Variants in NAP1L1 observed in about 807,000 individuals in gnomAD.
NAP1L1 encodes the protein nucleosome assembly protein 1 like 1.
NAP1L1 carries 9 observed loss-of-function variants against 58.9 expected under a neutral mutation model. The observed-to-expected ratio is 0.15, with a 90% CI of 0.09 to 0.27. NAP1L1 has a LOEUF of 0.27. Ranked by LOEUF, NAP1L1 falls within the 10% of genes least tolerant of loss-of-function variation. NAP1L1 has a pLI of 1.00. For missense variants in NAP1L1, 302 were observed against 458.8 expected, an observed-to-expected ratio of 0.66 and a Z score of 3.12; for synonymous variants, 130 against 138.3, an observed-to-expected ratio of 0.94 and a Z score of 0.42.
chr12:76,041,136 G>C lies in NAP1L1; in HGVS notation c.*7293C>G, dbSNP rs1948547353. ...AATATGACAACTACAAAAGACCTTA[G>C]AGACTGAACTACTGAGAATCAATCA... On this transcript the variant is annotated 3_prime_UTR_variant, in exon 15 of 15. Coordinates refer to ENST00000618691, the MANE Select transcript of NAP1L1 (RefSeq NM_004537.7). 6.6e-6 allele frequency: 1 copy of C among 152,190 alleles called. No individual in the cohort carries two copies. The allele number at this position is 152,190 out of a possible 1,614,324, so 9.4% of individuals were successfully genotyped here.
At chr12:76,075,541 T>C (rs374613930) in intron 1 of NAP1L1, among the ~76,000 whole-genome samples, 7 of 152,202 alleles carry the variant, frequency 4.6e-5, no homozygotes, top group Non-Finnish European at 1.0e-4. Context: ...TAAAGAAAAT[T>C]ATTCTTCCTA....
At position 76,059,803 on chromosome 12, in the gene NAP1L1, T is replaced by C. The variant is rs1309279978; in HGVS notation, c.424A>G (p.Ile142Val). Residue 142 changes from isoleucine to valine, a missense_variant, in exon 6 of 15, where the codon ATT becomes GTT. By Grantham distance (29) the Ile-to-Val change is conservative (BLOSUM62 3). Transcript: ENST00000618691. Reference protein sequence around the residue: ...CEWKPDEEDEISEELKEKAKI... With the variant: ...CEWKPDEEDEVSEELKEKAKI... The stretch of plus-strand genomic sequence containing the variant: ...AAAATAAAGTTGGTACTAACCGAAA[T>C]CTCATCTTCTTCATCTGGTTTCCAT... 9 of 1,598,130 alleles carry C rather than the reference T, an allele frequency of 5.6e-6. No individual in the cohort carries two copies. The highest frequency in any genetic ancestry group is 1.1e-5 in the South Asian group (1 of 87,476).
intron 1 of NAP1L1, among the ~76,000 whole-genome samples, chr12:76,075,189 T>C (rs1950125329): frequency 6.6e-6 from 1 of 152,072 alleles, no homozygotes; most frequent in African/African-American, 2.4e-5. Flanking sequence ...CCAGGCACAG[T>C]GGCACGAGCC....
At chr12:76,074,153 T>C in intron 2 of NAP1L1, 50 bp downstream of exon 2, 1 of 1,417,098 alleles carries the variant, frequency 7.1e-7, no homozygotes, top group Non-Finnish European at 9.9e-7. Flanking sequence ...AAGAACAGAG[T>C]ACAAAGTGAT....
At chr12:76,056,544 T>C (rs1361195661) in intron 6 of NAP1L1, 2 of 441,216 alleles carry the variant, frequency 4.5e-6, no homozygotes, top group East Asian at 7.0e-5. Context: ...CAACATAAAA[T>C]AGCAATGCTA....
At chr12:76,079,454 C>T (rs960408073) in intron 1 of NAP1L1, among the ~76,000 whole-genome samples, 3 of 152,000 alleles carry the variant, frequency 2.0e-5, no homozygotes, top group Non-Finnish European at 4.4e-5. Context: ...GAGCTATGAT[C>T]GTGCCACTGC....
intron 2 of NAP1L1, among the ~76,000 whole-genome samples, chr12:76,069,560 G>A (rs949602849): frequency 1.3e-5 from 2 of 152,154 alleles, no homozygotes; most frequent in East Asian, 1.9e-4. Flanking sequence ...ACTGGACCAG[G>A]AGGCATCCTA....
At position 76,044,563 on chromosome 12, in the gene NAP1L1, C is replaced by T. The variant is rs1203318220; in HGVS notation, c.*3866G>A. ...ACATGGTCGGGCCTCAATAAGCCCA[C>T]TGTAAGTCAAAAATATCATAAGTAG... On this transcript the variant is annotated 3_prime_UTR_variant, in exon 15 of 15. Coordinates refer to ENST00000618691, the MANE Select transcript of NAP1L1 (RefSeq NM_004537.7). The T allele has an allele frequency of 6.6e-6, 1 of 152,146 alleles. No individual in the cohort carries two copies. The highest frequency in any genetic ancestry group is 1.5e-5 in the Non-Finnish European group (1 of 68,026). 9.4% of individuals were successfully genotyped at this position (152,146 alleles called of 1,614,324 possible).
chr12:76,066,765 T>C lies in NAP1L1; in HGVS notation c.206+606A>G, dbSNP rs202224505. Among the ~76,000 whole-genome samples the C allele has an allele frequency of 5.8e-4, 89 of 152,190 alleles. No individual in the cohort carries two copies. In the East Asian group the frequency reaches 9.1e-3, roughly 15 times the overall value. ...AATACTTAAAGGCTTCCACACTCTATGTAGGTGGCAATCCCACTGCTGAGC... is the reference window on the plus strand; with the variant it reads ...AATACTTAAAGGCTTCCACACTCTACGTAGGTGGCAATCCCACTGCTGAGC... On this transcript the variant is annotated intron_variant, in intron 4 of 14. Transcript: ENST00000618691.
intron 4 of NAP1L1, among the ~76,000 whole-genome samples, chr12:76,064,234 C>T (rs1483929351): frequency 6.6e-6 from 1 of 152,126 alleles, no homozygotes; most frequent in African/African-American, 2.4e-5. Flanking sequence ...AGACACATAT[C>T]AGTAAAATGA....
chr12:76,069,104 A>G (rs913065888), intron 2 of NAP1L1, 110 bp from the exon 3 acceptor site: 2 of 760,190 alleles, frequency 2.6e-6, no homozygotes, highest in African/African-American at 3.5e-5. Context: ...AAAGACATGA[A>G]ATAGGAAATT....
At chr12:76,078,837 A>G (rs1438408618) in intron 1 of NAP1L1, among the ~76,000 whole-genome samples, 2 of 152,226 alleles carry the variant, frequency 1.3e-5, no homozygotes, top group Non-Finnish European at 2.9e-5. Context: ...AAGCCTAATA[A>G]AGACTTCATA....
chr12:76,053,939 A>T (rs746770675), intron 8 of NAP1L1, 30 bp from the exon 9 acceptor site: 3 of 1,585,460 alleles, frequency 1.9e-6, no homozygotes, highest in Non-Finnish European at 2.6e-6. Flanking sequence ...AAATCAGTTA[A>T]ATACCTACCT....
Position 76,065,546 on chromosome 12 carries a change from A to G in NAP1L1, c.206+1825T>C, listed in dbSNP as rs969194130. Among the ~76,000 whole-genome samples the G allele has an allele frequency of 7.1e-5, 10 of 140,654 alleles. No homozygotes were observed. In the South Asian group the frequency reaches 9.0e-4, roughly 13 times the overall value. The allele number at this position is 140,654 out of a possible 152,430, so 92.3% of individuals were successfully genotyped here. ...CAAGAGCAACTTAAAAAAAAAAAAA[A>G]CAGCAATCCTCTGTAAATCAAGAAC... On this transcript the variant is annotated intron_variant, in intron 4 of 14. Transcript: ENST00000618691.
intron 4 of NAP1L1, among the ~76,000 whole-genome samples, chr12:76,066,997 T>A (rs186756939): frequency 2.0e-5 from 3 of 151,960 alleles, no homozygotes; most frequent in Admixed American, 2.0e-4. Context: ...GATCTTAAAA[T>A]CACAAAAAAG....
rs1948546106 is a variant in NAP1L1, at chr12:76,040,990, G to A, written c.*7439C>T. On this transcript the variant is annotated 3_prime_UTR_variant, in exon 15 of 15. Coordinates refer to ENST00000618691, the MANE Select transcript of NAP1L1 (RefSeq NM_004537.7). Reference sequence around the variant, plus strand: ...TTCCACAGTAGGCTGTCAAGTTTTGGGGGAATCAGCTTATACATAGATTTG... The same window carrying A: ...TTCCACAGTAGGCTGTCAAGTTTTGAGGGAATCAGCTTATACATAGATTTG... 6.6e-6 allele frequency: 1 copy of A among 152,226 alleles called. No homozygotes were observed. The highest frequency in any genetic ancestry group is 2.4e-5 in the African/African-American group (1 of 41,454). 9.4% of individuals were successfully genotyped at this position (152,226 alleles called of 1,614,324 possible).
chr12:76,068,776 ACACT>A (rs1329028287), intron 3 of NAP1L1, 129 bp downstream of exon 3: 15 of 639,854 alleles, frequency 2.3e-5, no homozygotes, highest in African/African-American at 2.2e-4. Context: ...ACACACACAC[ACACT>A]AGAAGTATGG....
chr12:76,042,021 T>C lies in NAP1L1; in HGVS notation c.*6408A>G, dbSNP rs1391867413. 1 of 152,146 alleles carries C rather than the reference T, an allele frequency of 6.6e-6. No homozygotes were observed. Among genetic ancestry groups the C allele is most frequent in the Non-Finnish European group, 1.5e-5 (1 of 68,026 alleles). The allele number at this position is 152,146 out of a possible 1,614,324, so 9.4% of individuals were successfully genotyped here. A position where few individuals can be genotyped will look rare whatever the true frequency, so the allele number is the denominator to read the frequency against. ...AAAACAAGAAAGGAATGAGATGAGATTTTCAAACCTAGCTCACTTTAGGTT... is the reference window on the plus strand; with the variant it reads ...AAAACAAGAAAGGAATGAGATGAGACTTTCAAACCTAGCTCACTTTAGGTT... On this transcript the variant is annotated 3_prime_UTR_variant, in exon 15 of 15. Transcript: ENST00000618691.
intron 1 of NAP1L1, among the ~76,000 whole-genome samples, chr12:76,076,551 T>A (rs1477407673): frequency 1.0e-3 from 5 of 4,884 alleles, no homozygotes; most frequent in African/African-American, 1.4e-3. Context: ...GATATGGAAA[T>A]ATATATATAT....
Sources: allele counts gnomAD v4.1 joint callset (sites outside exome capture counted in the v4.1 genomes callset), GRCh38; gene constraint gnomAD v4.1.1; transcripts MANE v1.5; gene names NCBI Gene and HGNC (gene_info 2026-07-23, HGNC 2026-07-21).